Variants in UBR4 observed in about 807,000 individuals in gnomAD.
UBR4 encodes the protein E3 ubiquitin-protein ligase UBR4.
UBR4 carries 124 observed loss-of-function variants against 575.6 expected under a neutral mutation model. The observed-to-expected ratio is 0.22, with a 90% CI of 0.19 to 0.25. UBR4 has a LOEUF of 0.25. Among genes scored for constraint, UBR4 ranks in the 10% least tolerant of loss-of-function variants. The pLI, the probability that UBR4 is intolerant of heterozygous loss-of-function variation, is 1.00. For missense variants in UBR4, 4,818 were observed against 6,478.8 expected (o/e 0.74, Z 8.80); for synonymous variants, 2,455 against 2,473.7 (o/e 0.99, Z 0.22).
At chr1:19,180,701 T>C (rs2090855848) in intron 17 of UBR4, among the ~76,000 whole-genome samples, 1 of 152,178 alleles carries the variant, frequency 6.6e-6, no homozygotes, top group Non-Finnish European at 1.5e-5. Context: ...AATGCTATTT[T>C]TAATGCTTTT....
intron 18 of UBR4, among the ~76,000 whole-genome samples, chr1:19,178,017 C>T (rs192065020): frequency 1.6e-4 from 25 of 152,190 alleles, no homozygotes; most frequent in East Asian, 3.9e-4. Flanking sequence ...TTAACACAGG[C>T]GTGTTAATGC....
Position 19,114,049 on chromosome 1 carries a change from G to A in UBR4, c.11224C>T (p.Leu3742Phe). ...TACACTCGATCAGCTTTGTCCAAAA[G>A]TGTATTGATGTTGGATACAGCCTAG... The part of the protein sequence containing the change: ...RKKAVSNINT[L>F]LDKADRVYHQ... Residue 3742 changes from leucine to phenylalanine, a missense_variant, in exon 76 of 106, where the codon CTT becomes TTT. Coordinates refer to ENST00000375254, the MANE Select transcript of UBR4 (RefSeq NM_020765.3). 1.9e-6 allele frequency: 3 copies of A among 1,614,034 alleles called. No individual in the cohort carries two copies. Among genetic ancestry groups the A allele is most frequent in the Non-Finnish European group, 2.5e-6 (3 of 1,179,900 alleles).
chr1:19,112,781 C>T lies in UBR4; in HGVS notation c.11544G>A (p.Gln3848=), dbSNP rs2080042972. 6.2e-7 allele frequency: 1 copy of T among 1,614,108 alleles called. No homozygotes were observed. Among genetic ancestry groups the T allele is most frequent in the Non-Finnish European group, 8.5e-7 (1 of 1,180,038 alleles). ...AATKSSRTSV[Q]PTFTASQYRA... is the part of the protein sequence containing the mutation. ...GGTACTGGCTGGCAGTGAATGTGGG[C>T]TGCACGGAGGTCCGGGATGATTTAG... The change falls in exon 78 of 106, where the codon CAG becomes CAA. Residue 3848 remains glutamine, a synonymous_variant. Coordinates refer to ENST00000375254, the MANE Select transcript of UBR4 (RefSeq NM_020765.3).
intron 63 of UBR4, 103 bp from the exon 64 acceptor site, chr1:19,126,758 G>A (rs926035651): frequency 1.6e-6 from 2 of 1,215,142 alleles, no homozygotes; most frequent in Admixed American, 4.3e-5. Context: ...AACAGTCTTA[G>A]CTTTTATGGC....
At chr1:19,120,045 T>G in intron 69 of UBR4, 135 bp downstream of exon 69, 1 of 1,114,938 alleles carries the variant, frequency 9.0e-7, no homozygotes, top group Non-Finnish European at 1.3e-6. Context: ...TAAAGAAATC[T>G]CTAAAGCACA....
At chr1:19,185,325 T>C in intron 14 of UBR4, 39 bp from the exon 15 acceptor site, 1 of 1,501,222 alleles carries the variant, frequency 6.7e-7, no homozygotes, top group Non-Finnish European at 8.9e-7. Context: ...ATAAATATTT[T>C]TTAAAAGTGT....
rs201517136 is a variant in UBR4, at chr1:19,161,779, C to A, written c.5028-43G>T. ...CAGCAAATAAGCTCAGAAGTCCCAA[C>A]AATCGGTGCCCAGCAAATCTTCACC... On this transcript the variant is annotated intron_variant, in intron 36 of 105. Coordinates refer to ENST00000375254, the MANE Select transcript of UBR4 (RefSeq NM_020765.3). 4.3e-5 allele frequency: 70 copies of A among 1,613,800 alleles called. 1 individual carries two copies. The highest frequency in any genetic ancestry group is 3.3e-4 in the Middle Eastern group (2 of 6,082).
In UBR4 at chr1:19,184,082, G is replaced by C; in HGVS notation, c.2032C>G (p.Leu678Val). ...NFIRNYLSVS[L>V]SEHHMATLAS... ...AGGGTGGCCATATGGTGTTCTGAAAGAGATACACTCAGATAGTTTCGGATA... is the reference window on the plus strand; with the variant it reads ...AGGGTGGCCATATGGTGTTCTGAAACAGATACACTCAGATAGTTTCGGATA... The change falls in exon 16 of 106, where the codon CTT becomes GTT. Residue 678 changes from leucine (L) to valine (V), a missense_variant. Physicochemically the swap from Leu to Val is conservative, Grantham distance 32 (BLOSUM62 1). This residue lies in a region of UBR4 where 1,172 missense variants were observed against 1,259.7 expected (regional missense o/e 0.93). Transcript: ENST00000375254. 6.2e-7 allele frequency: 1 copy of C among 1,614,160 alleles called. No homozygotes were observed. Among genetic ancestry groups the C allele is most frequent in the Non-Finnish European group, 8.5e-7 (1 of 1,180,028 alleles).
chr1:19,146,224 T>C (rs891417565), intron 52 of UBR4: 29 of 740,002 alleles, frequency 3.9e-5, no homozygotes, highest in Non-Finnish European at 5.7e-5. Context: ...TTCTAAAACG[T>C]AGAGGAACAT....
rs746710921 is a variant in UBR4, at chr1:19,093,858, G to C, written c.13937+91C>G. The C allele has an allele frequency of 6.7e-5, 93 of 1,397,460 alleles. No individual in the cohort carries two copies. Among genetic ancestry groups the C allele is most frequent in the Non-Finnish European group, 8.1e-5 (84 of 1,034,074 alleles). The allele number at this position is 1,397,460 out of a possible 1,614,324, so 86.6% of individuals were successfully genotyped here. A position where few individuals can be genotyped will look rare whatever the true frequency, so the allele number is the denominator to read the frequency against. On this transcript the variant is annotated intron_variant, in intron 95 of 105. Transcript: ENST00000375254. The surrounding 1 kb of genome is among the most constrained non-coding windows in gnomAD (Gnocchi z 4.8). ...AGAACGAGGACACAAAAATCTAATA[G>C]GTATTCAGAGGATTCTTCCTCATCT...
intron 97 of UBR4, among the ~76,000 whole-genome samples, chr1:19,090,467 G>C (rs189396849): frequency 1.9e-4 from 29 of 152,244 alleles, no homozygotes; most frequent in African/African-American, 7.0e-4. Flanking sequence ...GCCTCCGACT[G>C]CAGCTGCTTT....
intron 103 of UBR4, chr1:19,080,492 G>C (rs1557472381): frequency 6.6e-6 from 1 of 152,212 alleles, no homozygotes; most frequent in East Asian, 1.9e-4. Context: ...CTGCTCCCTG[G>C]ATGGCCTACA....
Position 19,160,900 on chromosome 1 carries a change from G to A in UBR4, c.5406+17C>T. 1.9e-6 allele frequency: 3 copies of A among 1,611,622 alleles called. No individual in the cohort carries two copies. Among genetic ancestry groups the A allele is most frequent in the Non-Finnish European group, 1.7e-6 (2 of 1,178,016 alleles). On this transcript the variant is annotated intron_variant, in intron 38 of 105. Transcript: ENST00000375254. ...CTGAACTCTGTCTGCTTACTAGGGA[G>A]CATCAGTCAGCCCCACCTGGTTCTG...
At chr1:19,123,198 T>C in intron 65 of UBR4, 138 bp from the exon 66 acceptor site, 1 of 905,360 alleles carries the variant, frequency 1.1e-6, no homozygotes, top group South Asian at 1.7e-5. Context: ...ACAGCTGTAA[T>C]CCCAGCACTT....
chr1:19,136,350 T>G (rs1264302441), intron 60 of UBR4, among the ~76,000 whole-genome samples: 2 of 152,190 alleles, frequency 1.3e-5, no homozygotes, highest in Non-Finnish European at 2.9e-5. Flanking sequence ...TTAAAAAAGT[T>G]AAAACACACA....
intron 1 of UBR4, among the ~76,000 whole-genome samples, 177 bp from the exon 2 acceptor site, chr1:19,201,992 A>C (rs1558027933): frequency 6.6e-6 from 1 of 152,164 alleles, no homozygotes; most frequent in Non-Finnish European, 1.5e-5. Flanking sequence ...CAGGAGTTCA[A>C]GACCAGCTTG....
rs1447905445 is a variant in UBR4, at chr1:19,091,078, A to G, written c.14211+1741T>C. Among the ~76,000 whole-genome samples the G allele has an allele frequency of 3.5e-5, 5 of 142,380 alleles. No homozygotes were observed. In the Admixed American group the frequency reaches 3.6e-4, roughly 10 times the overall value. 93.4% of individuals were successfully genotyped at this position (142,380 alleles called of 152,430 possible). On this transcript the variant is annotated intron_variant, in intron 97 of 105. Coordinates refer to ENST00000375254, the MANE Select transcript of UBR4 (RefSeq NM_020765.3). The stretch of plus-strand genomic sequence containing the variant: ...GCCACTGCACTCCAGCCTGGGTGAC[A>G]AGAGCAAAACTTCATCTCAAAAAAA...
At position 19,156,387 on chromosome 1, in the gene UBR4, C is replaced by T; in HGVS notation, c.5956G>A (p.Val1986Ile). Residue 1986 changes from valine to isoleucine, a missense_variant, in exon 42 of 106, where the codon GTT (valine) becomes ATT (isoleucine). Val to Ile is a conservative substitution (Grantham distance 29). Coordinates refer to ENST00000375254, the MANE Select transcript of UBR4 (RefSeq NM_020765.3). The stretch of plus-strand genomic sequence containing the variant: ...GGGTGCAAAACCAAGTGATCCGAAA[C>T]AGAGCCTGAGCTACTAAAGGTGAGC... Reference protein sequence around the residue: ...HVLTFSSSGSVSDHLVLHPQL... With the variant: ...HVLTFSSSGSISDHLVLHPQL... The T allele has an allele frequency of 6.2e-7, 1 of 1,614,180 alleles. No homozygotes were observed. Among genetic ancestry groups the T allele is most frequent in the Non-Finnish European group, 8.5e-7 (1 of 1,180,020 alleles).
Position 19,095,644 on chromosome 1 carries a change from C to G in UBR4, c.13527G>C (p.Leu4509=). 2 of 1,614,018 alleles carry G rather than the reference C, an allele frequency of 1.2e-6. No individual in the cohort carries two copies. The highest frequency in any genetic ancestry group is 1.7e-6 in the Non-Finnish European group (2 of 1,179,934). Residue 4509 remains leucine, a synonymous_variant, in exon 93 of 106, where the codon CTG becomes CTC. Transcript: ENST00000375254. ...CCTTCACGCAGTAACTGAACAATTT[C>G]AGTAGCACCTGACAAGAAAAGCCAG... The part of the protein sequence containing the change: ...KQGRHLLTVL[L]KLFSYCVKVK...
Sources: gnomAD v4.1 joint callset for allele counts (sites outside exome capture counted in the v4.1 genomes callset) on GRCh38, gnomAD v4.1.1 for gene constraint, gnomAD v4.1.1 regional missense constraint, Gnocchi (gnomAD v3.1) non-coding constraint, MANE v1.5 for transcripts, NCBI Gene and HGNC (gene_info 2026-07-23, HGNC 2026-07-21) for gene names.